HOMER1: variants seen among roughly 807,000 people sequenced by gnomAD.
HOMER1 encodes homer protein homolog 1.
In HOMER1, 3 loss-of-function variants were observed where a neutral mutation model predicts 48.9. The observed-to-expected ratio is 0.06, with a 90% CI of 0.03 to 0.16. The LOEUF is 0.16. HOMER1 is among the 10% of genes least tolerant of loss of function. The pLI is 1.00. For synonymous variants in HOMER1, 134 were observed against 146.4 expected (o/e 0.92, Z 0.61); for missense variants, 247 against 411.4 (o/e 0.60, Z 3.46).
At chr5:79,404,602 T>G (rs1749615819) in intron 5 of HOMER1, among the ~76,000 whole-genome samples, 1 of 152,242 alleles carries the variant, frequency 6.6e-6, no homozygotes, top group Admixed American at 6.5e-5. Flanking sequence ...ACATGACTGG[T>G]GGCTACTACC....
intron 1 of HOMER1, among the ~76,000 whole-genome samples, chr5:79,476,993 A>C (rs1751798281): frequency 3.9e-5 from 6 of 152,188 alleles, no homozygotes; most frequent in Non-Finnish European, 1.5e-5. Flanking sequence ...TTTGACTCAC[A>C]ATCAGATCAG....
At chr5:79,510,815 C>T (rs1014228061) in intron 1 of HOMER1, 2 of 744,336 alleles carry the variant, frequency 2.7e-6, no homozygotes, top group African/African-American at 1.7e-5. Flanking sequence ...AAGGATCAAA[C>T]CAAGGCCCAG....
At chr5:79,498,891 A>G (rs1752497407) in intron 1 of HOMER1, among the ~76,000 whole-genome samples, 1 of 150,684 alleles carries the variant, frequency 6.6e-6, no homozygotes, top group African/African-American at 2.5e-5. Flanking sequence ...TGGAGTGCAA[A>G]GTGGCATGAT....
intron 5 of HOMER1, among the ~76,000 whole-genome samples, chr5:79,418,220 G>A (rs1009725991): frequency 5.3e-5 from 8 of 152,208 alleles, no homozygotes; most frequent in Non-Finnish European, 1.2e-4. Context: ...TTATGCAAAT[G>A]AATTCTAAGC....
chr5:79,469,324 C>G (rs1032694350), intron 1 of HOMER1, among the ~76,000 whole-genome samples: 3 of 152,158 alleles, frequency 2.0e-5, no homozygotes, highest in Non-Finnish European at 4.4e-5. Context: ...TAACACAATT[C>G]TATTGCCAAA....
intron 8 of HOMER1, among the ~76,000 whole-genome samples, chr5:79,394,909 T>C (rs981485319): frequency 2.6e-5 from 4 of 152,230 alleles, no homozygotes; most frequent in Admixed American, 2.0e-4. Flanking sequence ...AAATTTGATA[T>C]AAATATATCA....
intron 5 of HOMER1, among the ~76,000 whole-genome samples, 196 bp from the exon 6 acceptor site, chr5:79,402,251 C>T (rs538339705): frequency 7.7e-4 from 117 of 151,774 alleles, no homozygotes; most frequent in Non-Finnish European, 1.1e-3. Context: ...CTGCAACCTC[C>T]GCCTCCTGGG....
intron 1 of HOMER1, among the ~76,000 whole-genome samples, chr5:79,474,599 T>A (rs1751710590): frequency 6.6e-6 from 1 of 152,150 alleles, no homozygotes; most frequent in South Asian, 2.1e-4. Flanking sequence ...TACAACTCAA[T>A]ACACTCCTCA....
intron 1 of HOMER1, among the ~76,000 whole-genome samples, chr5:79,470,341 T>G (rs1341994425): frequency 6.6e-6 from 1 of 152,166 alleles, no homozygotes; most frequent in Non-Finnish European, 1.5e-5. Flanking sequence ...CCAAGAAACT[T>G]TCAGCCACGT....
chr5:79,480,508 T>C (rs1580013018), intron 1 of HOMER1, among the ~76,000 whole-genome samples: 1 of 152,200 alleles, frequency 6.6e-6, no homozygotes, highest in African/African-American at 2.4e-5. Context: ...ATTTCTTCTT[T>C]GCTTCTGAAT....
chr5:79,469,786 C>T (rs1751570686), intron 1 of HOMER1, among the ~76,000 whole-genome samples: 1 of 152,092 alleles, frequency 6.6e-6, no homozygotes, highest in Non-Finnish European at 1.5e-5. Context: ...AGCTACCTCG[C>T]CCCACATTAC....
chr5:79,402,449 G>A (rs1342933241), intron 5 of HOMER1, among the ~76,000 whole-genome samples: 4 of 152,254 alleles, frequency 2.6e-5, no homozygotes, highest in East Asian at 1.9e-4. Flanking sequence ...GATTACAGGC[G>A]TGAGCCACTG....
chr5:79,437,226 A>C (rs1385748154), intron 5 of HOMER1, among the ~76,000 whole-genome samples: 2 of 152,214 alleles, frequency 1.3e-5, no homozygotes, highest in Non-Finnish European at 2.9e-5. Flanking sequence ...TTTATTTCTA[A>C]ATGCTACAGT....
At chr5:79,408,463 T>G (rs897721641) in intron 5 of HOMER1, among the ~76,000 whole-genome samples, 1 of 151,758 alleles carries the variant, frequency 6.6e-6, no homozygotes, top group Non-Finnish European at 1.5e-5. Context: ...GAGATGAAAA[T>G]TATTAAAATG....
At chr5:79,406,492 A>G (rs1749666469) in intron 5 of HOMER1, among the ~76,000 whole-genome samples, 1 of 152,204 alleles carries the variant, frequency 6.6e-6, no homozygotes, top group Non-Finnish European at 1.5e-5. Flanking sequence ...ACAGACTTCT[A>G]TCAGGTTCTC....
At chr5:79,402,570 A>G (rs750154694) in intron 5 of HOMER1, among the ~76,000 whole-genome samples, 1 of 152,242 alleles carries the variant, frequency 6.6e-6, no homozygotes, top group Non-Finnish European at 1.5e-5. Context: ...AAATATAAAA[A>G]GTACTCAAGT....
chr5:79,404,659 A>G (rs1012455402), intron 5 of HOMER1, among the ~76,000 whole-genome samples: 9 of 152,190 alleles, frequency 5.9e-5, no homozygotes, highest in African/African-American at 1.9e-4. Flanking sequence ...AAAAAGTTCT[A>G]CTGAACAGTA....
chr5:79,399,701 TACA>T (rs939906740), intron 6 of HOMER1, among the ~76,000 whole-genome samples: 37 of 152,310 alleles, frequency 2.4e-4, no homozygotes, highest in Admixed American at 5.2e-4. Context: ...CTGTGGTCTC[TACA>T]ACATCTCATT....
intron 5 of HOMER1, among the ~76,000 whole-genome samples, chr5:79,416,570 ATT>A (rs1749949773): frequency 6.6e-6 from 1 of 152,226 alleles, no homozygotes; most frequent in Non-Finnish European, 1.5e-5. Context: ...TAAGAGCAAC[ATT>A]TCTATGTGCT....
Sources: gnomAD v4.1 joint callset for allele counts (sites outside exome capture counted in the v4.1 genomes callset) on GRCh38, gnomAD v4.1.1 for gene constraint, MANE v1.5 for transcripts, NCBI Gene and HGNC (gene_info 2026-07-23, HGNC 2026-07-21) for gene names.